BRINP1: variants seen among roughly 807,000 people sequenced by gnomAD.
The protein encoded by BRINP1 is BMP/retinoic acid inducible neural specific 1, also known as BMP/retinoic acid-inducible neural-specific protein 1.
In BRINP1, 17 loss-of-function variants were observed where a neutral mutation model predicts 72.9. That is an observed-to-expected ratio of 0.23 (90% CI 0.16 to 0.35). The LOEUF (loss-of-function observed/expected upper bound fraction) is 0.35, where lower values mean the gene tolerates loss of function less well. Ranked by LOEUF, BRINP1 falls within the 10% of genes least tolerant of loss-of-function variation. BRINP1 has a pLI of 1.00. For synonymous variants in BRINP1, 418 were observed against 378.5 expected (o/e 1.10, Z -1.21); for missense variants, 850 against 1,001.6 (o/e 0.85, Z 2.04).
chr9:119,177,720 G>A (rs1264845663), intron 7 of BRINP1, among the ~76,000 whole-genome samples: 1 of 152,196 alleles, frequency 6.6e-6, no homozygotes, highest in East Asian at 1.9e-4. Flanking sequence ...ATAAAAAGAT[G>A]AAAGTTCCTG....
intron 1 of BRINP1, among the ~76,000 whole-genome samples, chr9:119,357,672 A>G (rs1831583045): frequency 6.6e-6 from 1 of 152,224 alleles, no homozygotes; most frequent in Admixed American, 6.5e-5. Context: ...CAGATTGTTA[A>G]GGAGATTTAA....
At chr9:119,352,229 A>G (rs1312073488) in intron 1 of BRINP1, among the ~76,000 whole-genome samples, 1 of 152,224 alleles carries the variant, frequency 6.6e-6, no homozygotes, top group Non-Finnish European at 1.5e-5. Context: ...TTTGGTCAGT[A>G]TGATTAACAC....
At chr9:119,343,683 G>A (rs950274405) in intron 1 of BRINP1, among the ~76,000 whole-genome samples, 2 of 152,190 alleles carry the variant, frequency 1.3e-5, no homozygotes, top group African/African-American at 4.8e-5. Context: ...TCCCCAATAA[G>A]TAAGTGATCC....
In BRINP1 at chr9:119,261,389, C is replaced by A. The variant is rs551444124; in HGVS notation, c.219-12239G>T. 5.3e-5 allele frequency among the ~76,000 whole-genome samples: 8 copies of A among 152,238 alleles called. No homozygotes were observed. The South Asian group carries it at 1.2e-3, about 24-fold the overall frequency. On this transcript the variant is annotated intron_variant, in intron 2 of 7. Transcript: ENST00000265922. ...ACACATGTTAGTCCCATATAGGCAC[C>A]AAGATGATGGATAACTTATGGTAGG...
intron 1 of BRINP1, among the ~76,000 whole-genome samples, chr9:119,319,920 G>C (rs1328830022): frequency 6.6e-6 from 1 of 152,122 alleles, no homozygotes; most frequent in African/African-American, 2.4e-5. Flanking sequence ...TATAATGGGG[G>C]AGTCACACCC....
chr9:119,325,739 C>T lies in BRINP1; in HGVS notation c.-50-12334G>A, dbSNP rs148971850. Among the ~76,000 whole-genome samples the T allele has an allele frequency of 1.1e-4, 16 of 152,326 alleles. No homozygotes were observed. The East Asian group carries it at 3.1e-3, about 29-fold the overall frequency. On this transcript the variant is annotated intron_variant, in intron 1 of 7. Transcript: ENST00000265922. ...TCAAAATACAGATGCAACCATGACACTCACCTAATCTAGCAGATCCAGCCA... is the reference window on the plus strand; with the variant it reads ...TCAAAATACAGATGCAACCATGACATTCACCTAATCTAGCAGATCCAGCCA...
At chr9:119,262,362 G>A (rs953284746) in intron 2 of BRINP1, among the ~76,000 whole-genome samples, 39 of 152,026 alleles carry the variant, frequency 2.6e-4, no homozygotes, top group Non-Finnish European at 7.4e-5. Context: ...GGCCAGGCGC[G>A]GTGGCTCACA....
chr9:119,213,379 T>C (rs1182028405), intron 6 of BRINP1, among the ~76,000 whole-genome samples: 1 of 152,256 alleles, frequency 6.6e-6, no homozygotes, highest in Admixed American at 6.5e-5. Context: ...AAACTCATTT[T>C]TCTGAACTAT....
chr9:119,363,305 T>C (rs955646781), intron 1 of BRINP1, among the ~76,000 whole-genome samples: 2 of 152,164 alleles, frequency 1.3e-5, no homozygotes, highest in African/African-American at 4.8e-5. Context: ...TCTTGTTATG[T>C]TTCCCAGGCT....
intron 2 of BRINP1, among the ~76,000 whole-genome samples, chr9:119,299,677 C>T (rs1217094642): frequency 6.6e-6 from 1 of 151,420 alleles, no homozygotes; most frequent in African/African-American, 2.4e-5. Context: ...GTTCATTTCA[C>T]TTAACATAAT....
At chr9:119,366,318 A>G (rs548624226) in intron 1 of BRINP1, among the ~76,000 whole-genome samples, 3 of 152,202 alleles carry the variant, frequency 2.0e-5, no homozygotes, top group Admixed American at 1.3e-4. Context: ...ATGGGTGTAC[A>G]TTTTGCTCTC....
intron 7 of BRINP1, among the ~76,000 whole-genome samples, chr9:119,169,446 G>A (rs1045055198): frequency 2.0e-5 from 3 of 152,208 alleles, no homozygotes; most frequent in African/African-American, 4.8e-5. Context: ...GGCGCACCGC[G>A]AGATTATATT....
In BRINP1 at chr9:119,366,503, C is replaced by CGTGTGT. The variant is rs3983901; in HGVS notation, c.-51+2547_-51+2552dup. Among the ~76,000 whole-genome samples the CGTGTGT allele has an allele frequency of 1.9e-4, 26 of 136,312 alleles. 3 individuals are homozygous for CGTGTGT. Among genetic ancestry groups the CGTGTGT allele is most frequent in the African/African-American group, 4.5e-4 (16 of 35,628 alleles). 89.4% of individuals were successfully genotyped at this position (136,312 alleles called of 152,430 possible). ...TCTCTCTCAGTCCTCCCCCCACCACCGTGTGTGTGTGTGTGTGTGTGTGTG... is the reference window on the plus strand; with the variant it reads ...TCTCTCTCAGTCCTCCCCCCACCACCGTGTGTGTGTGTGTGTGTGTGTGTGTGTGTG... On this transcript the variant is annotated intron_variant, in intron 1 of 7. Coordinates refer to ENST00000265922, the MANE Select transcript of BRINP1 (RefSeq NM_014618.3).
Position 119,368,665 on chromosome 9 carries a change from AAGT to A in BRINP1, c.-51+388_-51+390del, listed in dbSNP as rs1234830884. 6.6e-6 allele frequency among the ~76,000 whole-genome samples: 1 copy of A among 152,074 alleles called. No homozygotes were observed. On this transcript the variant is annotated intron_variant, in intron 1 of 7. Transcript: ENST00000265922. This position sits in a 1 kb window ranked among gnomAD's most constrained non-coding sequence, Gnocchi z 4.7. ...AACATGCACACACACATCGCGCCGT[AAGT>A]AGGTTATAGGACCTCTCTCTCTTCA... is the stretch of plus-strand genomic sequence containing the variant.
At position 119,175,112 on chromosome 9, in the gene BRINP1, TAAA is replaced by T. The variant is rs1564209484; in HGVS notation, c.1146-6891_1146-6889del. Among the ~76,000 whole-genome samples, 4 of 38,536 alleles carry T rather than the reference TAAA, an allele frequency of 1.0e-4. No individual in the cohort carries two copies. The East Asian group carries it at 2.9e-3, about 28-fold the overall frequency. 25.3% of individuals were successfully genotyped at this position (38,536 alleles called of 152,430 possible). A position where few individuals can be genotyped will look rare whatever the true frequency, so the allele number is the denominator to read the frequency against. On this transcript the variant is annotated intron_variant, in intron 7 of 7. Transcript: ENST00000265922. ...TGCACATGTACCCTAAAACTTAAAGTAAAGTATAAAAAAAAAAAAAGACAAAAA... is the reference window on the plus strand; with the variant it reads ...TGCACATGTACCCTAAAACTTAAAGTGTATAAAAAAAAAAAAAGACAAAAA...
At chr9:119,198,863 G>C (rs994313490) in intron 7 of BRINP1, among the ~76,000 whole-genome samples, 4 of 151,920 alleles carry the variant, frequency 2.6e-5, no homozygotes, top group African/African-American at 9.7e-5. Flanking sequence ...AGTAGAGATG[G>C]GGTTTCTCCA....
At chr9:119,347,776 T>C (rs1831465194) in intron 1 of BRINP1, among the ~76,000 whole-genome samples, 1 of 152,138 alleles carries the variant, frequency 6.6e-6, no homozygotes, top group Non-Finnish European at 1.5e-5. Context: ...CCGACCCCAT[T>C]ACCATTCCCA....
intron 1 of BRINP1, among the ~76,000 whole-genome samples, chr9:119,318,460 CA>C (rs1214792576): frequency 6.6e-6 from 1 of 152,132 alleles, no homozygotes; most frequent in Non-Finnish European, 1.5e-5. Context: ...TCTCAGTTGT[CA>C]GGGGCAAAGG....
At chr9:119,206,245 G>A (rs1372443456) in intron 7 of BRINP1, among the ~76,000 whole-genome samples, 17 of 151,818 alleles carry the variant, frequency 1.1e-4, no homozygotes, top group Admixed American at 6.6e-4. Context: ...GCAAAACTCC[G>A]TCTCTACTAA....
Sources: allele counts gnomAD v4.1 joint callset (sites outside exome capture counted in the v4.1 genomes callset), GRCh38; gene constraint gnomAD v4.1.1; non-coding constraint Gnocchi (gnomAD v3.1); transcripts MANE v1.5; gene names NCBI Gene and HGNC (gene_info 2026-07-23, HGNC 2026-07-21).